The following SSBP3 variants were observed in gnomAD, a reference collection of about 807,000 sequenced individuals.
The protein encoded by SSBP3 is single stranded DNA binding protein 3, also known as single-stranded DNA-binding protein 3.
SSBP3 carries 5 observed loss-of-function variants against 69.6 expected under a neutral mutation model. That is an observed-to-expected ratio of 0.07 (90% CI 0.04 to 0.15). The LOEUF (loss-of-function observed/expected upper bound fraction) is 0.15, where lower values mean the gene tolerates loss of function less well. Among genes scored for constraint, SSBP3 ranks in the 10% least tolerant of loss-of-function variants. SSBP3 has a pLI of 1.00. For missense variants in SSBP3, 312 were observed against 534.0 expected (o/e 0.58, Z 4.10); for synonymous variants, 196 against 193.4 (o/e 1.01, Z -0.11).
chr1:54,295,001 CCA>C (rs1306145154), intron 4 of SSBP3, among the ~76,000 whole-genome samples: 2 of 152,166 alleles, frequency 1.3e-5, no homozygotes, highest in Non-Finnish European at 2.9e-5. Flanking sequence ...ACCCTCCAAG[CCA>C]CAGATTTATA....
At chr1:54,233,873 G>A (rs999721221) in intron 14 of SSBP3, among the ~76,000 whole-genome samples, 9 of 152,274 alleles carry the variant, frequency 5.9e-5, no homozygotes, top group African/African-American at 2.2e-4. Context: ...CTGAGAACGG[G>A]CCAGGATGAC....
intron 5 of SSBP3, among the ~76,000 whole-genome samples, chr1:54,270,468 C>T (rs541295478): frequency 2.0e-5 from 3 of 152,282 alleles, no homozygotes; most frequent in East Asian, 3.9e-4. Flanking sequence ...TGTTAAAGGG[C>T]CAAACAGGGC....
rs533644381 is a variant in SSBP3, at chr1:54,251,856, G to A, written c.512C>T (p.Pro171Leu). The stretch of plus-strand genomic sequence containing the variant: ...TGGCTGTGTCCCAGGAACTCCTCCC[G>A]GAGGCTGAAAGAGATGCAAGACACA... Residue 171 changes from proline to leucine, a missense_variant, in exon 8 of 18, where the codon CCG becomes CTG. Around this residue, in one of 4 missense-constraint regions of SSBP3, gnomAD observed 134 missense variants for 212.1 expected, o/e 0.63. Transcript: ENST00000610401. 25 of 1,611,468 alleles carry A rather than the reference G, an allele frequency of 1.6e-5. No individual in the cohort carries two copies. In the Middle Eastern group the frequency reaches 6.7e-4, roughly 43 times the overall value.
chr1:54,353,258 C>A (rs1187100176), intron 4 of SSBP3, among the ~76,000 whole-genome samples: 1 of 152,180 alleles, frequency 6.6e-6, no homozygotes, highest in East Asian at 1.9e-4. Flanking sequence ...AGGGCAGACC[C>A]ATTCTTTCCG....
At chr1:54,279,997 C>T (rs1203292312) in intron 5 of SSBP3, among the ~76,000 whole-genome samples, 1 of 152,238 alleles carries the variant, frequency 6.6e-6, no homozygotes, top group Admixed American at 6.5e-5. Context: ...CATCTCCACC[C>T]CTTGGACAAG....
intron 13 of SSBP3, 99 bp from the exon 14 acceptor site, chr1:54,239,298 C>A (rs1644561745): frequency 1.1e-6 from 1 of 932,278 alleles, no homozygotes; most frequent in Non-Finnish European, 1.6e-6. Context: ...ATTTTATAAC[C>A]TAAAATTTCC....
exon 18 of SSBP3, chr1:54,227,102 GCT>G (rs759736876): frequency 3.0e-5 from 48 of 1,576,096 alleles, no homozygotes; most frequent in Non-Finnish European, 3.2e-5. Context: ...TGCAATGCCT[GCT>G]CTCTCAGCGT....
At chr1:54,369,392 A>T (rs1392098614) in intron 4 of SSBP3, among the ~76,000 whole-genome samples, 1 of 152,136 alleles carries the variant, frequency 6.6e-6, no homozygotes, top group Non-Finnish European at 1.5e-5. Flanking sequence ...GATGAGAGGG[A>T]CTGTGCAGCT....
At chr1:54,335,017 C>A (rs3855970) in intron 4 of SSBP3, among the ~76,000 whole-genome samples, 12,427 of 152,230 alleles carry the variant, frequency 0.082, 676 homozygotes, top group Non-Finnish European at 0.13. Flanking sequence ...GGCACTGCCC[C>A]GGGAAGAGCT....
At chr1:54,396,614 G>A (rs1648905556) in intron 4 of SSBP3, among the ~76,000 whole-genome samples, 1 of 151,996 alleles carries the variant, frequency 6.6e-6, no homozygotes. Flanking sequence ...GACGACCTAA[G>A]GAACTGTGGG....
intron 4 of SSBP3, among the ~76,000 whole-genome samples, chr1:54,396,019 T>C (rs1648838918): frequency 1.3e-5 from 2 of 151,756 alleles, no homozygotes; most frequent in African/African-American, 2.4e-5. Flanking sequence ...GGCGAAACCC[T>C]GTCTCTACTA....
At position 54,228,729 on chromosome 1, in the gene SSBP3, G is replaced by T; in HGVS notation, c.1006+19C>A. Reference sequence around the variant, plus strand: ...CTGCCCAGGCAGGGTGGGGCATGGCGAGGGCAGGGGCCACTCACCTAATGA... The same window carrying T: ...CTGCCCAGGCAGGGTGGGGCATGGCTAGGGCAGGGGCCACTCACCTAATGA... On this transcript the variant is annotated intron_variant, in intron 15 of 17. Coordinates refer to ENST00000610401, the Ensembl canonical transcript of SSBP3. 1 of 1,577,994 alleles carries T rather than the reference G, an allele frequency of 6.3e-7. No individual in the cohort carries two copies.
intron 4 of SSBP3, among the ~76,000 whole-genome samples, chr1:54,330,576 A>AC (rs34691254): frequency 6.6e-6 from 1 of 152,090 alleles, no homozygotes; most frequent in Non-Finnish European, 1.5e-5. Flanking sequence ...CCACCAGTAC[A>AC]CCCTAGGTTC....
At chr1:54,244,234 G>A (rs1052807868) in intron 9 of SSBP3, among the ~76,000 whole-genome samples, 2 of 152,140 alleles carry the variant, frequency 1.3e-5, no homozygotes, top group Non-Finnish European at 2.9e-5. Flanking sequence ...CTCCCAAGTA[G>A]CTGGGATTAT....
At chr1:54,341,738 C>T (rs1420850600) in intron 4 of SSBP3, among the ~76,000 whole-genome samples, 1 of 151,054 alleles carries the variant, frequency 6.6e-6, no homozygotes, top group Non-Finnish European at 1.5e-5. Context: ...GTCCTGGGAG[C>T]CAAGTGGGTA....
intron 5 of SSBP3, among the ~76,000 whole-genome samples, chr1:54,259,887 GGCTGCCA>G (rs1380149501): frequency 2.6e-5 from 4 of 152,250 alleles, no homozygotes; most frequent in Non-Finnish European, 4.4e-5. Flanking sequence ...TCTTTCTAGC[GGCTGCCA>G]GCAACGGCAT....
intron 4 of SSBP3, among the ~76,000 whole-genome samples, chr1:54,316,695 A>G (rs1646118489): frequency 7.7e-6 from 1 of 130,286 alleles, no homozygotes; most frequent in Non-Finnish European, 1.5e-5. Flanking sequence ...TAAATAAATA[A>G]ATAAATAAAT....
intron 4 of SSBP3, among the ~76,000 whole-genome samples, chr1:54,308,645 G>A (rs1645944119): frequency 6.6e-6 from 1 of 151,114 alleles, no homozygotes; most frequent in Non-Finnish European, 1.5e-5. Context: ...GCGCACACCT[G>A]TAATCCCTGT....
chr1:54,270,554 A>G (rs1645175098), intron 5 of SSBP3, among the ~76,000 whole-genome samples: 1 of 152,188 alleles, frequency 6.6e-6, no homozygotes, highest in Admixed American at 6.5e-5. Flanking sequence ...TCTCAAAAAT[A>G]CCCAGAACCT....
Sources: allele counts gnomAD v4.1 joint callset (sites outside exome capture counted in the v4.1 genomes callset), GRCh38; gene constraint gnomAD v4.1.1; regional missense constraint gnomAD v4.1.1; transcripts MANE v1.5; gene names NCBI Gene and HGNC (gene_info 2026-07-23, HGNC 2026-07-21).